SYNE3: variants seen among roughly 807,000 people sequenced by gnomAD.
SYNE3 encodes spectrin repeat containing nuclear envelope family member 3.
A neutral mutation model predicts 111.2 loss-of-function variants in SYNE3; 100 were observed. The ratio of observed to expected loss-of-function variants is 0.90; its 90% CI spans 0.77 to 1.06. The LOEUF is 1.06. Among genes scored for constraint, SYNE3 ranks in the 50% least tolerant of loss-of-function variants. The pLI, the probability that SYNE3 is intolerant of heterozygous loss-of-function variation, is 0.00. For synonymous variants in SYNE3, 547 were observed against 533.9 expected, an observed-to-expected ratio of 1.02 and a Z score of -0.34; for missense variants, 1,160 against 1,240.3, an observed-to-expected ratio of 0.94 and a Z score of 0.97.
At chr14:95,442,106 C>T (rs981648215) in intron 11 of SYNE3, among the ~76,000 whole-genome samples, 2 of 152,228 alleles carry the variant, frequency 1.3e-5, no homozygotes, top group South Asian at 2.1e-4. Flanking sequence ...TCTAGAGCTG[C>T]ACCCTTTGTG....
chr14:95,512,970 C>G (rs761357407), intron 1 of SYNE3, among the ~76,000 whole-genome samples: 1 of 152,176 alleles, frequency 6.6e-6, no homozygotes, highest in Non-Finnish European at 1.5e-5. Flanking sequence ...ACAGACATCT[C>G]CCTGATCAAT....
chr14:95,516,401 C>T (rs373472999), intron 1 of SYNE3, among the ~76,000 whole-genome samples, 195 bp downstream of exon 1: 3 of 152,154 alleles, frequency 2.0e-5, no homozygotes, highest in African/African-American at 4.8e-5. Flanking sequence ...CTAAAAATAC[C>T]CGCCCGCCCG....
chr14:95,505,001 T>A (rs1428413502), intron 1 of SYNE3, among the ~76,000 whole-genome samples: 2 of 152,220 alleles, frequency 1.3e-5, no homozygotes, highest in Non-Finnish European at 2.9e-5. Flanking sequence ...CTGTTTCCCT[T>A]CTGGGGAGCT....
At chr14:95,463,557 T>C (rs892611848) in intron 4 of SYNE3, among the ~76,000 whole-genome samples, 3 of 152,256 alleles carry the variant, frequency 2.0e-5, no homozygotes, top group African/African-American at 7.2e-5. Context: ...AAAGAGGCTG[T>C]GGAGCCAGGC....
chr14:95,474,998 C>G (rs1021569158), intron 2 of SYNE3, among the ~76,000 whole-genome samples: 1 of 152,226 alleles, frequency 6.6e-6, no homozygotes, highest in African/African-American at 2.4e-5. Flanking sequence ...AGGGATTTGA[C>G]CAAGGTCACA....
At chr14:95,434,788 G>T (rs949139418) in intron 15 of SYNE3, among the ~76,000 whole-genome samples, 18 of 152,160 alleles carry the variant, frequency 1.2e-4, no homozygotes, top group Admixed American at 1.1e-3. Flanking sequence ...CTCCCGAATA[G>T]CTGGGATTAC....
Position 95,417,724 on chromosome 14 carries a change from T to C in SYNE3, c.*102A>G. 1 of 1,273,912 alleles carries C rather than the reference T, an allele frequency of 7.8e-7. No individual in the cohort carries two copies. The highest frequency in any genetic ancestry group is 1.5e-5 in the African/African-American group (1 of 68,408). The allele number at this position is 1,273,912 out of a possible 1,614,324, so 78.9% of individuals were successfully genotyped here. A position where few individuals can be genotyped will look rare whatever the true frequency, so the allele number is the denominator to read the frequency against. On this transcript the variant is annotated 3_prime_UTR_variant, in exon 18 of 18. Coordinates refer to ENST00000682763, the MANE Select transcript of SYNE3 (RefSeq NM_152592.6). Reference sequence around the variant, plus strand: ...CTGATATGGATGCAGCTCTGCAGTCTTTGCCCTGCCCCTGTTTCCAGTTTC... The same window carrying C: ...CTGATATGGATGCAGCTCTGCAGTCCTTGCCCTGCCCCTGTTTCCAGTTTC...
intron 4 of SYNE3, among the ~76,000 whole-genome samples, chr14:95,464,385 A>G (rs937961353): frequency 2.0e-5 from 3 of 152,170 alleles, no homozygotes; most frequent in Non-Finnish European, 2.9e-5. Context: ...GCTCAGAGGC[A>G]ACAGAGACCA....
chr14:95,489,791 A>T (rs1049510674), intron 1 of SYNE3, among the ~76,000 whole-genome samples: 1 of 152,088 alleles, frequency 6.6e-6, no homozygotes, highest in Non-Finnish European at 1.5e-5. Flanking sequence ...CAGGATGGAC[A>T]TCTCTCTGCC....
chr14:95,430,023 G>GAAGGAA (rs1885668748), intron 17 of SYNE3: 4 of 519,476 alleles, frequency 7.7e-6, no homozygotes, highest in African/African-American at 4.3e-5. Context: ...AGGGAGGGAG[G>GAAGGAA]GTAGAGACAG....
rs778869997 is a variant in SYNE3 at position 95,446,124 on chromosome 14, C to T, written c.1450-33G>A. On this transcript the variant is annotated intron_variant, in intron 8 of 17. Transcript: ENST00000682763. Reference sequence around the variant, plus strand: ...AGACAAGGCTTCCGTGAACCACAGACCGGGCAGGACACAGCTCAGAAACAG... The same window carrying T: ...AGACAAGGCTTCCGTGAACCACAGATCGGGCAGGACACAGCTCAGAAACAG... 6.2e-6 allele frequency: 10 copies of T among 1,610,868 alleles called. No homozygotes were observed. In the East Asian group the frequency reaches 2.2e-4, roughly 36 times the overall value.
At chr14:95,438,015 T>C (rs928260871) in intron 14 of SYNE3, 12 of 152,192 alleles carry the variant, frequency 7.9e-5, no homozygotes, top group African/African-American at 2.9e-4. Context: ...CAGAATCGAA[T>C]TGTGGGCCCT....
intron 1 of SYNE3, among the ~76,000 whole-genome samples, chr14:95,499,092 T>C (rs1321718797): frequency 9.2e-5 from 14 of 152,218 alleles, no homozygotes; most frequent in Non-Finnish European, 2.9e-5. Flanking sequence ...AGGAGATCCA[T>C]GGCCCTGCAG....
chr14:95,505,235 GGA>G (rs1389604084), intron 1 of SYNE3, among the ~76,000 whole-genome samples: 1 of 152,242 alleles, frequency 6.6e-6, no homozygotes, highest in African/African-American at 2.4e-5. Context: ...CCTGATTGCT[GGA>G]CAGGTTGCTT....
chr14:95,446,256 A>G (rs1886712514), intron 8 of SYNE3, among the ~76,000 whole-genome samples, 165 bp from the exon 9 acceptor site: 1 of 152,320 alleles, frequency 6.6e-6, no homozygotes, highest in Non-Finnish European at 1.5e-5. Context: ...GCTGGCAGGA[A>G]TGCGCTGGCA....
chr14:95,418,755 A>C (rs1039961913), intron 17 of SYNE3, among the ~76,000 whole-genome samples: 1 of 152,092 alleles, frequency 6.6e-6, no homozygotes, highest in Admixed American at 6.5e-5. Context: ...GGCACCTGCC[A>C]CCATGCCCAG....
chr14:95,439,606 T>C lies in SYNE3; in HGVS notation c.2246+6A>G. The C allele has an allele frequency of 6.2e-7, 1 of 1,607,150 alleles. No individual in the cohort carries two copies. The highest frequency in any genetic ancestry group is 8.5e-7 in the Non-Finnish European group (1 of 1,179,952). ...ACAACGCTCAGAGCCTAGGAGGCAC[T>C]CTCACCTCAGCAGACTTTCTTCCAG... On this transcript the variant is annotated splice_donor_region_variant and intron_variant, in intron 13 of 17. Transcript: ENST00000682763.
At chr14:95,494,931 G>A (rs1200727743) in intron 1 of SYNE3, among the ~76,000 whole-genome samples, 2 of 152,110 alleles carry the variant, frequency 1.3e-5, no homozygotes, top group African/African-American at 2.4e-5. Flanking sequence ...GGCCAGCATG[G>A]TGAAACCCCG....
chr14:95,436,034 T>C (rs1390205749), intron 15 of SYNE3, among the ~76,000 whole-genome samples: 1 of 152,198 alleles, frequency 6.6e-6, no homozygotes, highest in Non-Finnish European at 1.5e-5. Flanking sequence ...CAAGGAGCTT[T>C]AGCAACTGAT....
Sources: allele counts gnomAD v4.1 joint callset (sites outside exome capture counted in the v4.1 genomes callset), GRCh38; gene constraint gnomAD v4.1.1; transcripts MANE v1.5; gene names NCBI Gene and HGNC (gene_info 2026-07-23, HGNC 2026-07-21).